NPAS3: variants seen among roughly 807,000 people sequenced by gnomAD.
NPAS3 encodes the protein neuronal PAS domain-containing protein 3.
NPAS3 carries 14 observed loss-of-function variants against 73.1 expected under a neutral mutation model. The ratio of observed to expected loss-of-function variants is 0.19; its 90% CI spans 0.13 to 0.30. NPAS3 has a LOEUF of 0.30. Among genes scored for constraint, NPAS3 ranks in the 10% least tolerant of loss-of-function variants. The pLI is 1.00. For synonymous variants in NPAS3, 620 were observed against 541.5 expected (o/e 1.14, Z -2.01); for missense variants, 1,096 against 1,250.0 (o/e 0.88, Z 1.86).
chr14:32,995,878 G>A (rs1038094417), intron 1 of NPAS3, among the ~76,000 whole-genome samples: 2 of 152,176 alleles, frequency 1.3e-5, no homozygotes, highest in Non-Finnish European at 2.9e-5. Flanking sequence ...CAGTAGAGTG[G>A]GGTGTTGCTG....
chr14:33,765,759 C>T (rs1162003113), intron 7 of NPAS3, among the ~76,000 whole-genome samples: 2 of 152,068 alleles, frequency 1.3e-5, no homozygotes, highest in East Asian at 1.9e-4. Flanking sequence ...TAAGATCTCT[C>T]AATTCATTCT....
chr14:33,024,576 C>A (rs933364598), intron 1 of NPAS3, among the ~76,000 whole-genome samples: 1 of 152,162 alleles, frequency 6.6e-6, no homozygotes, highest in African/African-American at 2.4e-5. Flanking sequence ...AATTGAAAAT[C>A]ATGTTCTTGA....
intron 5 of NPAS3, among the ~76,000 whole-genome samples, chr14:33,593,773 CAG>C (rs2057148422): frequency 6.6e-6 from 1 of 152,194 alleles, no homozygotes; most frequent in Non-Finnish European, 1.5e-5. Context: ...TACCCTTGCT[CAG>C]AGTTTTTACA....
At chr14:33,560,970 T>C (rs544684648) in intron 5 of NPAS3, among the ~76,000 whole-genome samples, 2 of 152,326 alleles carry the variant, frequency 1.3e-5, no homozygotes, top group South Asian at 4.1e-4. Context: ...AGATGTTTTC[T>C]CCATAAAAAT....
At chr14:32,975,009 C>T (rs537482659) in intron 1 of NPAS3, among the ~76,000 whole-genome samples, 1 of 152,274 alleles carries the variant, frequency 6.6e-6, no homozygotes, top group African/African-American at 2.4e-5. Flanking sequence ...GGTAATCAAT[C>T]ATGATCTTTA....
chr14:33,267,611 A>G (rs959497566), intron 3 of NPAS3, among the ~76,000 whole-genome samples: 1 of 152,248 alleles, frequency 6.6e-6, no homozygotes, highest in Admixed American at 6.5e-5. Context: ...AAGGTAGAAT[A>G]GAATTTATTG....
intron 3 of NPAS3, among the ~76,000 whole-genome samples, chr14:33,306,242 G>A (rs1262966682): frequency 1.3e-5 from 2 of 152,110 alleles, no homozygotes; most frequent in Non-Finnish European, 2.9e-5. Flanking sequence ...TATTTAATTA[G>A]TAAGAAATCT....
chr14:33,528,363 G>A (rs1230678602), intron 4 of NPAS3, among the ~76,000 whole-genome samples: 1 of 151,662 alleles, frequency 6.6e-6, no homozygotes, highest in Non-Finnish European at 1.5e-5. Flanking sequence ...GGGACAAAAG[G>A]AAGAAGAAGA....
chr14:33,340,356 G>T (rs1566812225), intron 3 of NPAS3, among the ~76,000 whole-genome samples: 1 of 152,146 alleles, frequency 6.6e-6, no homozygotes, highest in Non-Finnish European at 1.5e-5. Context: ...TTAGCCGGGT[G>T]TGGTGGTGGG....
At chr14:33,523,537 T>TG (rs1298322549) in intron 4 of NPAS3, among the ~76,000 whole-genome samples, 2 of 150,704 alleles carry the variant, frequency 1.3e-5, no homozygotes, top group Non-Finnish European at 2.9e-5. Context: ...CTGAGGCAGA[T>TG]GGATCACCTG....
intron 4 of NPAS3, among the ~76,000 whole-genome samples, chr14:33,543,955 A>ATC (rs1307747921): frequency 1.2e-4 from 1 of 8,368 alleles, no homozygotes; most frequent in Non-Finnish European, 1.9e-4. Context: ...GCATATATAT[A>ATC]TATATATATA....
At chr14:33,036,077 C>T (rs145179392) in intron 1 of NPAS3, among the ~76,000 whole-genome samples, 180 of 152,266 alleles carry the variant, frequency 1.2e-3, no homozygotes, top group Non-Finnish European at 1.9e-3. Flanking sequence ...GCTGAAAGAT[C>T]CTTGTGTTAT....
At chr14:33,188,712 CT>C in intron 2 of NPAS3, among the ~76,000 whole-genome samples, 1 of 152,256 alleles carries the variant, frequency 6.6e-6, no homozygotes, top group African/African-American at 2.4e-5. Flanking sequence ...ATATCTGCAA[CT>C]TTTTTAATAC....
chr14:33,428,174 A>G (rs2139109459), intron 4 of NPAS3, among the ~76,000 whole-genome samples: 1 of 152,228 alleles, frequency 6.6e-6, no homozygotes, highest in East Asian at 1.9e-4. Context: ...TAGTGCATGG[A>G]TATTAAAATT....
At chr14:33,058,531 A>G (rs909850851) in intron 2 of NPAS3, among the ~76,000 whole-genome samples, 3 of 152,224 alleles carry the variant, frequency 2.0e-5, no homozygotes, top group African/African-American at 7.2e-5. Context: ...CCAATCTTCA[A>G]TGAGCTTATA....
chr14:33,230,446 G>T (rs1206392614), intron 3 of NPAS3, among the ~76,000 whole-genome samples: 1 of 152,122 alleles, frequency 6.6e-6, no homozygotes, highest in Non-Finnish European at 1.5e-5. Flanking sequence ...CCCTTGGAAA[G>T]AACACTCAAA....
chr14:33,287,855 G>GA, intron 3 of NPAS3, among the ~76,000 whole-genome samples: 1 of 152,248 alleles, frequency 6.6e-6, no homozygotes, highest in East Asian at 1.9e-4. Context: ...GGAATTCAGT[G>GA]CATGTACATT....
intron 3 of NPAS3, among the ~76,000 whole-genome samples, chr14:33,254,901 A>G (rs1389949384): frequency 6.6e-6 from 1 of 152,098 alleles, no homozygotes; most frequent in African/African-American, 2.4e-5. Context: ...ATGGAAATAT[A>G]TATTCATGGA....
At chr14:33,657,429 C>T (rs1034697037) in intron 5 of NPAS3, among the ~76,000 whole-genome samples, 1 of 152,146 alleles carries the variant, frequency 6.6e-6, no homozygotes, top group African/African-American at 2.4e-5. Flanking sequence ...AGCCTGAATT[C>T]TAGAAAAGAC....
Sources: allele counts gnomAD v4.1 joint callset (sites outside exome capture counted in the v4.1 genomes callset), GRCh38; gene constraint gnomAD v4.1.1; transcripts MANE v1.5; gene names NCBI Gene and HGNC (gene_info 2026-07-23, HGNC 2026-07-21).